ELAPOR2: variants seen among roughly 807,000 people sequenced by gnomAD.
The protein encoded by ELAPOR2 is endosome/lysosome-associated apoptosis and autophagy regulator family member 2.
Under a neutral mutation model 120.7 loss-of-function variants are expected in ELAPOR2, and 89 were observed. The ratio of observed to expected loss-of-function variants is 0.74; its 90% CI spans 0.62 to 0.88. The LOEUF (loss-of-function observed/expected upper bound fraction) is 0.88, where lower values mean the gene tolerates loss of function less well. Ranked by LOEUF, ELAPOR2 falls within the 40% of genes least tolerant of loss-of-function variation. The pLI is 0.00. For synonymous variants in ELAPOR2, 444 were observed against 444.9 expected, an observed-to-expected ratio of 1.00 and a Z score of 0.03; for missense variants, 1,134 against 1,251.6, an observed-to-expected ratio of 0.91 and a Z score of 1.42.
intron 5 of ELAPOR2, among the ~76,000 whole-genome samples, chr7:86,940,950 C>T (rs558513751): frequency 6.6e-6 from 1 of 152,066 alleles, no homozygotes; most frequent in African/African-American, 2.4e-5. Flanking sequence ...TTACTTGTAC[C>T]TTCAAAGCCC....
At chr7:86,972,333 G>A (rs1394682712) in intron 1 of ELAPOR2, among the ~76,000 whole-genome samples, 1 of 152,268 alleles carries the variant, frequency 6.6e-6, no homozygotes, top group Non-Finnish European at 1.5e-5. Context: ...AACCCGGGCA[G>A]TGAGTTTTGC....
chr7:86,954,515 GTAA>G (rs1791393408), intron 2 of ELAPOR2, among the ~76,000 whole-genome samples: 1 of 152,054 alleles, frequency 6.6e-6, no homozygotes, highest in African/African-American at 2.4e-5. Context: ...GCAATAGTAA[GTAA>G]TAATAAACGG....
chr7:86,926,862 C>G lies in ELAPOR2; in HGVS notation c.1144G>C (p.Asp382His). ...CCAGAAGGGGGCAATCTAATAGCAT[C>G]TGTGAGATCCTCCCGGCAGATTTTG... ...EPKICREDLT[D>H]AIRLPPSGEK... The change falls in exon 9 of 22, where the codon GAT becomes CAT. Residue 382 changes from aspartate (D) to histidine (H), a missense_variant. Transcript: ENST00000450689. The G allele has an allele frequency of 2.6e-6, 4 of 1,555,382 alleles. No homozygotes were observed. The highest frequency in any genetic ancestry group is 2.6e-6 in the Non-Finnish European group (3 of 1,150,428).
At chr7:87,007,691 T>G (rs1793527590) in intron 1 of ELAPOR2, among the ~76,000 whole-genome samples, 1 of 152,206 alleles carries the variant, frequency 6.6e-6, no homozygotes, top group Non-Finnish European at 1.5e-5. Flanking sequence ...AAGTATATGA[T>G]AAGCCTAGAA....
chr7:86,993,657 C>A (rs1634993), intron 1 of ELAPOR2, among the ~76,000 whole-genome samples: 6,804 of 152,236 alleles, frequency 0.045, 171 homozygotes, highest in Non-Finnish European at 0.053. Context: ...TTTTCTTTTA[C>A]CAAAAATGGA....
chr7:86,959,324 C>A (rs1791606882), intron 2 of ELAPOR2, among the ~76,000 whole-genome samples: 2 of 151,940 alleles, frequency 1.3e-5, no homozygotes, highest in African/African-American at 4.8e-5. Flanking sequence ...CTTTTTCTTG[C>A]CTAATTGCTT....
At chr7:86,938,726 T>C (rs1790673351) in intron 7 of ELAPOR2, 82 bp downstream of exon 7, 3 of 1,457,466 alleles carry the variant, frequency 2.1e-6, no homozygotes, top group African/African-American at 1.4e-5. Flanking sequence ...TGTCATACTT[T>C]ATGGGTGACT....
rs143696627 is a variant in ELAPOR2 at position 87,047,051 on chromosome 7, C to A, written c.189+12274G>T. 2.6e-3 allele frequency among the ~76,000 whole-genome samples: 391 copies of A among 152,278 alleles called. 1 individual carries two copies. The highest frequency in any genetic ancestry group is 9.1e-3 in the African/African-American group (377 of 41,556). ...CAAATCCACACACCTAGAGTGAACT[C>A]ATTTTTGACAAAGGTACCAAGAATA... On this transcript the variant is annotated intron_variant, in intron 1 of 21. Coordinates refer to ENST00000450689, the MANE Select transcript of ELAPOR2 (RefSeq NM_001142749.3).
At chr7:86,957,800 T>A (rs1361839558) in intron 2 of ELAPOR2, among the ~76,000 whole-genome samples, 1 of 152,174 alleles carries the variant, frequency 6.6e-6, no homozygotes, top group Non-Finnish European at 1.5e-5. Flanking sequence ...GAGACTATAG[T>A]AAACTGATTG....
intron 8 of ELAPOR2, 36 bp from the exon 9 acceptor site, chr7:86,926,952 C>T: frequency 7.1e-7 from 1 of 1,408,026 alleles, no homozygotes; most frequent in Non-Finnish European, 9.2e-7. Flanking sequence ...GCAACCAAGT[C>T]ATATAACATG....
In ELAPOR2 at chr7:86,926,742, T is replaced by G. The variant is rs1277546236; in HGVS notation, c.1264A>C (p.Thr422Pro). Residue 422 changes from threonine (T) to proline (P), a missense_variant, in exon 9 of 22, where the codon ACC (threonine) becomes CCC (proline). This residue lies in a region of ELAPOR2 where 831 missense variants were observed against 867.6 expected (regional missense o/e 0.96). Coordinates refer to ENST00000450689, the MANE Select transcript of ELAPOR2 (RefSeq NM_001142749.3). ...PCPPGTFSDG[T>P]KECRPCPAGT... ...GGACCAATTGACATCCTACCTTTGG[T>G]TCCATCTGAAAATGTTCCAGGAGGA... The G allele has an allele frequency of 3.7e-6, 6 of 1,606,804 alleles. No individual in the cohort carries two copies. The Middle Eastern group carries it at 8.3e-4, about 223-fold the overall frequency.
chr7:86,920,236 C>T (rs1490537056), intron 10 of ELAPOR2, among the ~76,000 whole-genome samples: 1 of 152,106 alleles, frequency 6.6e-6, no homozygotes, highest in African/African-American at 2.4e-5. Flanking sequence ...ATGTACTAAT[C>T]TACATACTTA....
At chr7:86,917,291 T>C (rs1789612250) in intron 12 of ELAPOR2, among the ~76,000 whole-genome samples, 1 of 152,130 alleles carries the variant, frequency 6.6e-6, no homozygotes, top group Non-Finnish European at 1.5e-5. Context: ...GTATGGGGCA[T>C]GCCTGTAAAT....
rs150441306 is a variant in ELAPOR2, at chr7:86,963,652, T to C, written c.310+1252A>G. Among the ~76,000 whole-genome samples the C allele has an allele frequency of 1.9e-3, 295 of 152,256 alleles. 1 individual carries two copies. The highest frequency in any genetic ancestry group is 6.7e-3 in the African/African-American group (280 of 41,560). On this transcript the variant is annotated intron_variant, in intron 2 of 21. Transcript: ENST00000450689. Reference sequence around the variant, plus strand: ...AAAGTAAACATAGATAAATGATATATAGATTTTTCTAGGCAAGTGACTGAA... The same window carrying C: ...AAAGTAAACATAGATAAATGATATACAGATTTTTCTAGGCAAGTGACTGAA...
Position 86,938,962 on chromosome 7 carries a change from T to A in ELAPOR2, c.848-2A>T. ...AACATTCTGATGTGTACGCCACCCCTGTGCAGTAATGAAAAACAGAGCATG... is the reference window on the plus strand; with the variant it reads ...AACATTCTGATGTGTACGCCACCCCAGTGCAGTAATGAAAAACAGAGCATG... On this transcript the variant is annotated splice_acceptor_variant, in intron 6 of 21. Transcript: ENST00000450689. LOFTEE classifies it high-confidence loss of function. The A allele has an allele frequency of 6.2e-7, 1 of 1,612,674 alleles. No homozygotes were observed. Among genetic ancestry groups the A allele is most frequent in the Non-Finnish European group, 8.5e-7 (1 of 1,179,166 alleles).
rs543500157 is a variant in ELAPOR2, at chr7:87,020,869, C to A, written c.189+38456G>T. On this transcript the variant is annotated intron_variant, in intron 1 of 21. Transcript: ENST00000450689. ...ACCAAATCATTTCAATCGCTTGAGA[C>A]CATTTCCTCTACCAGTAGATTCCAG... 2.6e-4 allele frequency among the ~76,000 whole-genome samples: 40 copies of A among 152,228 alleles called. No homozygotes were observed. In the East Asian group the frequency reaches 4.6e-3, roughly 18 times the overall value.
In ELAPOR2 at chr7:86,914,973, A is replaced by G; in HGVS notation, c.1594-113T>C. The G allele has an allele frequency of 4.5e-6, 4 of 880,194 alleles. No homozygotes were observed. In the Admixed American group the frequency reaches 1.3e-4, roughly 28 times the overall value. The allele number at this position is 880,194 out of a possible 1,614,324, so 54.5% of individuals were successfully genotyped here. On this transcript the variant is annotated intron_variant, in intron 12 of 21. Transcript: ENST00000450689. ...TAAAGTAAACCCATTACAGTTTATG[A>G]CTATTTACAAACAGAGCATGTAATC...
chr7:87,012,661 A>G (rs1422314538), intron 1 of ELAPOR2, among the ~76,000 whole-genome samples: 1 of 152,146 alleles, frequency 6.6e-6, no homozygotes, highest in African/African-American at 2.4e-5. Flanking sequence ...ACTTTTCAGA[A>G]AGTATCTGAA....
intron 1 of ELAPOR2, among the ~76,000 whole-genome samples, chr7:87,030,113 A>G (rs959285966): frequency 1.3e-5 from 2 of 152,254 alleles, no homozygotes; most frequent in Middle Eastern, 3.4e-3. Flanking sequence ...ATAGCTGAAA[A>G]TTTCAGGTTA....
Sources: allele counts gnomAD v4.1 joint callset (sites outside exome capture counted in the v4.1 genomes callset), GRCh38; gene constraint gnomAD v4.1.1; regional missense constraint gnomAD v4.1.1; transcripts MANE v1.5; gene names NCBI Gene and HGNC (gene_info 2026-07-23, HGNC 2026-07-21).